Variants in ILKAP observed in about 807,000 individuals in gnomAD.
ILKAP encodes ILK associated serine/threonine phosphatase.
ILKAP carries 11 observed loss-of-function variants against 49.1 expected under a neutral mutation model. The ratio of observed to expected loss-of-function variants is 0.22; its 90% CI spans 0.14 to 0.37. The LOEUF is 0.37. Among genes scored for constraint, ILKAP ranks in the 10% least tolerant of loss-of-function variants. The pLI is 1.00. For synonymous variants in ILKAP, 186 were observed against 192.8 expected, an observed-to-expected ratio of 0.96 and a Z score of 0.29; for missense variants, 363 against 510.8, an observed-to-expected ratio of 0.71 and a Z score of 2.79.
chr2:238,172,172 C>T (rs900118701), intron 10 of ILKAP, among the ~76,000 whole-genome samples: 5 of 152,088 alleles, frequency 3.3e-5, no homozygotes, highest in African/African-American at 1.2e-4. Context: ...CTGCCTCAGC[C>T]TCCTGAGTAG....
At chr2:238,188,411 C>T (rs1693991595) in intron 4 of ILKAP, 154 bp from the exon 5 acceptor site, 2 of 849,010 alleles carry the variant, frequency 2.4e-6, no homozygotes, top group Non-Finnish European at 3.5e-6. Flanking sequence ...GGCATCTCCC[C>T]CAGCTGCAAG....
chr2:238,183,234 G>A (rs1259570176), intron 8 of ILKAP, among the ~76,000 whole-genome samples: 1 of 152,090 alleles, frequency 6.6e-6, no homozygotes, highest in Non-Finnish European at 1.5e-5. Context: ...CAGCTCTCAA[G>A]TTACTCTGAA....
At chr2:238,203,476 G>C (rs1400943527) in intron 1 of ILKAP, 23 bp downstream of exon 1, 9 of 1,235,970 alleles carry the variant, frequency 7.3e-6, no homozygotes, top group Admixed American at 3.3e-5. Context: ...TTCCCTGGCC[G>C]GCCCGGCGGC....
Position 238,182,164 on chromosome 2 carries a change from T to C in ILKAP, c.737A>G (p.Glu246Gly). 2 of 1,613,836 alleles carry C rather than the reference T, an allele frequency of 1.2e-6. No individual in the cohort carries two copies. The highest frequency in any genetic ancestry group is 1.7e-6 in the Non-Finnish European group (2 of 1,179,774). ...DSRAILCRYNEESQKHAALSL... is the reference protein window; with the variant it reads ...DSRAILCRYNGESQKHAALSL... ...TAAGGCTGCATGTTTTTGACTCTCCTCATTATAACGACACAAGATTGCCTG... is the reference window on the plus strand; with the variant it reads ...TAAGGCTGCATGTTTTTGACTCTCCCCATTATAACGACACAAGATTGCCTG... Residue 246 changes from glutamate (E) to glycine (G), a missense_variant, in exon 9 of 12, where the codon GAG (glutamate) becomes GGG (glycine). Coordinates refer to ENST00000254654, the MANE Select transcript of ILKAP (RefSeq NM_030768.3).
intron 3 of ILKAP, among the ~76,000 whole-genome samples, chr2:238,190,890 A>T (rs1300986354): frequency 1.3e-5 from 2 of 151,250 alleles, no homozygotes; most frequent in Non-Finnish European, 2.9e-5. Flanking sequence ...AAAAAAAAAA[A>T]AAAAAAAAAA....
intron 9 of ILKAP, among the ~76,000 whole-genome samples, chr2:238,179,750 C>A (rs1033366374): frequency 1.3e-5 from 2 of 152,216 alleles, no homozygotes; most frequent in Non-Finnish European, 2.9e-5. Context: ...AACATCTCAT[C>A]TGAATCTAAA....
At chr2:238,179,417 A>G (rs1280975668) in intron 9 of ILKAP, among the ~76,000 whole-genome samples, 6 of 152,234 alleles carry the variant, frequency 3.9e-5, no homozygotes, top group Non-Finnish European at 8.8e-5. Context: ...CTTATTGATG[A>G]TAAGAAGTTT....
At position 238,181,941 on chromosome 2, in the gene ILKAP, TCAGA is replaced by T. The variant is rs1559292173; in HGVS notation, c.836+120_836+123del. ...CCACCTATGTCACCAGTGTTAGATCTCAGACAGAGCCTCGTCACACTGAAGACTA... is the reference window on the plus strand; with the variant it reads ...CCACCTATGTCACCAGTGTTAGATCTCAGAGCCTCGTCACACTGAAGACTA... On this transcript the variant is annotated intron_variant, in intron 9 of 11. Coordinates refer to ENST00000254654, the MANE Select transcript of ILKAP (RefSeq NM_030768.3). 1.4e-5 allele frequency: 14 copies of T among 1,029,666 alleles called. 1 individual carries two copies. The Admixed American group carries it at 1.6e-4, about 12-fold the overall frequency. The allele number at this position is 1,029,666 out of a possible 1,614,324, so 63.8% of individuals were successfully genotyped here.
chr2:238,181,606 G>C (rs1693694211), intron 9 of ILKAP, among the ~76,000 whole-genome samples: 1 of 150,946 alleles, frequency 6.6e-6, no homozygotes, highest in Admixed American at 6.7e-5. Flanking sequence ...AATGTGAAAA[G>C]TGACAGGTTT....
At chr2:238,201,550 A>T (rs1227803438) in intron 1 of ILKAP, among the ~76,000 whole-genome samples, 3 of 152,208 alleles carry the variant, frequency 2.0e-5, no homozygotes, top group Non-Finnish European at 2.9e-5. Flanking sequence ...AAGGTTGGAA[A>T]CTGAGTTTGG....
At chr2:238,203,385 CGCGCCGCCCGCCGCCTCCCAGCGCGG>C (rs1694659094) in intron 1 of ILKAP, 88 bp downstream of exon 1, 2 of 326,984 alleles carry the variant, frequency 6.1e-6, no homozygotes, top group Non-Finnish European at 9.3e-6. Context: ...CCGTGCAGCC[CGCGCCGCCCGCCGCCTCCCAGCGCGG>C]GCGCCGCCTC....
chr2:238,174,670 G>C (rs865951710), intron 9 of ILKAP, among the ~76,000 whole-genome samples: 1 of 152,168 alleles, frequency 6.6e-6, no homozygotes, highest in Admixed American at 6.5e-5. Flanking sequence ...GTCAGTATCC[G>C]TAACAAACAT....
chr2:238,203,139 G>C (rs998457348), intron 1 of ILKAP, among the ~76,000 whole-genome samples: 1 of 151,260 alleles, frequency 6.6e-6, no homozygotes, highest in Non-Finnish European at 1.5e-5. Context: ...GGGTGGAATC[G>C]GGGCGCGGGG....
intron 1 of ILKAP, among the ~76,000 whole-genome samples, chr2:238,197,837 C>T (rs867352483): frequency 2.0e-5 from 3 of 152,122 alleles, no homozygotes; most frequent in African/African-American, 7.2e-5. Context: ...CTGTCAGGCA[C>T]TATTCTAAGA....
At position 238,189,739 on chromosome 2, in the gene ILKAP, T is replaced by C; in HGVS notation, c.298+114A>G. The C allele has an allele frequency of 4.1e-6, 4 of 982,488 alleles. No homozygotes were observed. In the South Asian group the frequency reaches 6.9e-5, roughly 17 times the overall value. The allele number at this position is 982,488 out of a possible 1,614,324, so 60.9% of individuals were successfully genotyped here. A position where few individuals can be genotyped will look rare whatever the true frequency, so the allele number is the denominator to read the frequency against. On this transcript the variant is annotated intron_variant, in intron 4 of 11. Transcript: ENST00000254654. ...ATTTGCAAAAAGGGAACCCTACTTA[T>C]TTCTTAAATACAGACATAAAAAGAA...
chr2:238,189,949 G>C lies in ILKAP; in HGVS notation c.202C>G (p.Gln68Glu). ...DSGSLATSIS[Q>E]MVKTEGKGAK... is the part of the protein sequence containing the mutation. Reference sequence around the variant, plus strand: ...CCTTTCCCTTCAGTCTTTACCATCTGGGATATTGATGTGGCAAGAGAACCT... The same window carrying C: ...CCTTTCCCTTCAGTCTTTACCATCTCGGATATTGATGTGGCAAGAGAACCT... The change falls in exon 4 of 12, where the codon CAG becomes GAG. Residue 68 changes from glutamine to glutamate, a missense_variant. Transcript: ENST00000254654. 1 of 1,613,924 alleles carries C rather than the reference G, an allele frequency of 6.2e-7. No individual in the cohort carries two copies. Among genetic ancestry groups the C allele is most frequent in the Non-Finnish European group, 8.5e-7 (1 of 1,179,878 alleles).
chr2:238,200,279 G>A (rs1019773515), intron 1 of ILKAP, among the ~76,000 whole-genome samples: 1 of 152,112 alleles, frequency 6.6e-6, no homozygotes, highest in Non-Finnish European at 1.5e-5. Context: ...TAAGGGCTTG[G>A]ATGAAAACTA....
chr2:238,194,479 A>G (rs1362449953), intron 2 of ILKAP, 148 bp from the exon 3 acceptor site: 1 of 672,492 alleles, frequency 1.5e-6, no homozygotes, highest in Non-Finnish European at 2.6e-6. Flanking sequence ...TGCAATGAAT[A>G]ATATCTTGAA....
intron 2 of ILKAP, 84 bp downstream of exon 2, chr2:238,194,721 G>T: frequency 7.3e-7 from 1 of 1,368,322 alleles, no homozygotes; most frequent in South Asian, 1.2e-5. Context: ...TGAAAATGGG[G>T]GAAAGGGAAA....
Sources: allele counts gnomAD v4.1 joint callset (sites outside exome capture counted in the v4.1 genomes callset), GRCh38; gene constraint gnomAD v4.1.1; transcripts MANE v1.5; gene names NCBI Gene and HGNC (gene_info 2026-07-23, HGNC 2026-07-21).